The following DNAH8 variants were observed in gnomAD, a reference collection of about 807,000 sequenced individuals.
DNAH8 encodes dynein axonemal heavy chain 8, also known as axonemal beta dynein heavy chain 8.
In DNAH8, 382 loss-of-function variants were observed where a neutral mutation model predicts 562.1. The observed-to-expected ratio is 0.68, with a 90% CI of 0.63 to 0.74. The LOEUF (loss-of-function observed/expected upper bound fraction) is 0.74, where lower values mean the gene tolerates loss of function less well. Among genes scored for constraint, DNAH8 ranks in the 30% least tolerant of loss-of-function variants. DNAH8 has a pLI of 0.00. For synonymous variants in DNAH8, 1,881 were observed against 1,919.4 expected, an observed-to-expected ratio of 0.98 and a Z score of 0.52; for missense variants, 5,203 against 5,620.4, an observed-to-expected ratio of 0.93 and a Z score of 2.37.
chr6:38,754,180 T>C (rs377168289), intron 9 of DNAH8, among the ~76,000 whole-genome samples: 1 of 152,138 alleles, frequency 6.6e-6, no homozygotes, highest in African/African-American at 2.4e-5. Context: ...TGTATATAGA[T>C]GGACAAGAAC....
At chr6:38,756,326 T>C (rs1471723059) in intron 10 of DNAH8, among the ~76,000 whole-genome samples, 2 of 152,144 alleles carry the variant, frequency 1.3e-5, no homozygotes, top group African/African-American at 4.8e-5. Flanking sequence ...GGTTTTTTAA[T>C]TTATTCATTT....
intron 53 of DNAH8, among the ~76,000 whole-genome samples, chr6:38,877,361 C>T (rs1583251511): frequency 6.6e-6 from 1 of 152,104 alleles, no homozygotes; most frequent in African/African-American, 2.4e-5. Flanking sequence ...ACATTTTCTT[C>T]CAAGTAGCTA....
intron 52 of DNAH8, among the ~76,000 whole-genome samples, chr6:38,874,233 T>G (rs1777785304): frequency 1.4e-5 from 1 of 69,838 alleles, no homozygotes; most frequent in Admixed American, 1.4e-4. Context: ...TCTCTCTTTC[T>G]CCCCTCCCTC....
chr6:39,019,793 TG>T (rs750010100), intron 91 of DNAH8, among the ~76,000 whole-genome samples: 2 of 152,106 alleles, frequency 1.3e-5, no homozygotes, highest in Non-Finnish European at 2.9e-5. Flanking sequence ...GAGTGCTTAA[TG>T]GGTCGCAGCA....
chr6:38,845,420 CAAT>C (rs1407404463), intron 35 of DNAH8, among the ~76,000 whole-genome samples, 151 bp from the exon 36 acceptor site: 2 of 152,060 alleles, frequency 1.3e-5, no homozygotes. Flanking sequence ...AGTTGCAACA[CAAT>C]GATCTGAAGC....
At chr6:38,832,519 G>C (rs2150355170) in intron 31 of DNAH8, 84 bp downstream of exon 31, 1 of 814,620 alleles carries the variant, frequency 1.2e-6, no homozygotes, top group African/African-American at 1.7e-5. Context: ...CTGAGGAATA[G>C]GTACGTTGCA....
At position 38,865,147 on chromosome 6, in the gene DNAH8, T is replaced by G. The variant is rs12527202; in HGVS notation, c.6498+1087T>G. On this transcript the variant is annotated intron_variant, in intron 45 of 92. Transcript: ENST00000327475. ...CCAGTTTTAAAGCTTTTATGTGTTT[T>G]CCATAAAGTTAAATCTCGAAGTTGC... Among the ~76,000 whole-genome samples the G allele has an allele frequency of 8.9e-3, 1,359 of 152,332 alleles. 83 individuals are homozygous for G. In the East Asian group the frequency reaches 0.15, roughly 17 times the overall value.
chr6:38,722,348 T>C lies in DNAH8; in HGVS notation c.-34-428T>C, dbSNP rs112528033. Among the ~76,000 whole-genome samples the C allele has an allele frequency of 1.1e-4, 17 of 152,304 alleles. 1 individual carries two copies. The highest frequency in any genetic ancestry group is 3.6e-4 in the African/African-American group (15 of 41,558). ...CAAGGAACCTTTAGAGTTCACGAAG[T>C]TCTTTGCTTGGTCTCTTGCACAGTG... On this transcript the variant is annotated intron_variant, in intron 1 of 92. Coordinates refer to ENST00000327475, the MANE Select transcript of DNAH8 (RefSeq NM_001206927.2).
Position 38,966,889 on chromosome 6 carries a change from C to T in DNAH8, c.12452-4703C>T, listed in dbSNP as rs929544978. 8.5e-5 allele frequency among the ~76,000 whole-genome samples: 13 copies of T among 152,100 alleles called. No homozygotes were observed. The East Asian group carries it at 1.2e-3, about 14-fold the overall frequency. On this transcript the variant is annotated intron_variant, in intron 82 of 92. Coordinates refer to ENST00000327475, the MANE Select transcript of DNAH8 (RefSeq NM_001206927.2). ...GGCCGATTCAGTAGCTGATAAAGGC[C>T]GGTTTCCTATTTCATAGATGACTTC... is the stretch of plus-strand genomic sequence containing the variant.
Position 38,956,674 on chromosome 6 carries a change from A to AAAAAC in DNAH8, c.12451+5172_12451+5176dup, listed in dbSNP as rs535952132. Among the ~76,000 whole-genome samples the AAAAAC allele has an allele frequency of 2.0e-3, 309 of 152,332 alleles. 1 individual carries two copies. Among genetic ancestry groups the AAAAAC allele is most frequent in the Non-Finnish European group, 3.4e-3 (231 of 68,036 alleles). ...ACACAGTTCAGGCACATTGTCCCTAAAAAACAAAACAAAACAAAACAACAA... is the reference window on the plus strand; with the variant it reads ...ACACAGTTCAGGCACATTGTCCCTAAAAAACAAAACAAAACAAAACAAAACAACAA... On this transcript the variant is annotated intron_variant, in intron 82 of 92. Transcript: ENST00000327475.
chr6:38,800,269 A>G lies in DNAH8; in HGVS notation c.2902-2910A>G, dbSNP rs924649342. On this transcript the variant is annotated intron_variant, in intron 21 of 92. Transcript: ENST00000327475. ...TTCTCTTGGGTATGTATACCTAGGAATGGAATTACTGGCTCCCAACTCCAT... is the reference window on the plus strand; with the variant it reads ...TTCTCTTGGGTATGTATACCTAGGAGTGGAATTACTGGCTCCCAACTCCAT... Among the ~76,000 whole-genome samples the G allele has an allele frequency of 2.6e-5, 4 of 152,020 alleles. No homozygotes were observed. The South Asian group carries it at 8.3e-4, about 32-fold the overall frequency.
chr6:38,938,128 C>A lies in DNAH8; in HGVS notation c.11718C>A (p.Ser3906Arg), dbSNP rs771909750. The stretch of plus-strand genomic sequence containing the variant: ...TCCGGCCCGCAGCCACCCGCGGAAG[C>A]ATCCTCTACTTCCTCATCACAGAGA... ...EEFRPAATRG[S>R]ILYFLITEMS... The change falls in exon 78 of 93, where the codon AGC becomes AGA. Residue 3906 changes from serine to arginine, a missense_variant. Ser to Arg is a moderately radical substitution (Grantham distance 110). Around this residue, in one of 6 missense-constraint regions of DNAH8, gnomAD observed 1,399 missense variants for 1,518.4 expected, o/e 0.92. Coordinates refer to ENST00000327475, the MANE Select transcript of DNAH8 (RefSeq NM_001206927.2). 1.2e-6 allele frequency: 2 copies of A among 1,614,092 alleles called. No individual in the cohort carries two copies. The highest frequency in any genetic ancestry group is 1.7e-6 in the Non-Finnish European group (2 of 1,180,024).
rs757413994 is a variant in DNAH8 at position 38,786,745 on chromosome 6, C to CAA, written c.2396-19_2396-18dup. On this transcript the variant is annotated intron_variant, in intron 17 of 92. Transcript: ENST00000327475. ...AAAGGAAATTCAGAATGAGTAATGTCAATCATTATTTATTTGTAGCTTTAC... is the reference window on the plus strand; with the variant it reads ...AAAGGAAATTCAGAATGAGTAATGTCAAAATCATTATTTATTTGTAGCTTTAC... The CAA allele has an allele frequency of 1.2e-5, 19 of 1,605,544 alleles. No homozygotes were observed. Among genetic ancestry groups the CAA allele is most frequent in the Non-Finnish European group, 1.6e-5 (19 of 1,176,534 alleles).
chr6:38,990,423 C>A (rs1446191408), intron 88 of DNAH8, among the ~76,000 whole-genome samples: 1 of 152,198 alleles, frequency 6.6e-6, no homozygotes, highest in African/African-American at 2.4e-5. Flanking sequence ...TATTTCTTCT[C>A]TGTCATGTCA....
chr6:38,911,322 C>G (rs769470368), intron 65 of DNAH8, 146 bp from the exon 66 acceptor site: 30 of 695,274 alleles, frequency 4.3e-5, no homozygotes, highest in Non-Finnish European at 6.7e-5. Context: ...CTTTTTCCAC[C>G]TCACCTCTGA....
At chr6:38,741,640 A>G in intron 7 of DNAH8, 71 bp from the exon 8 acceptor site, 2 of 1,346,744 alleles carry the variant, frequency 1.5e-6, no homozygotes, top group South Asian at 1.5e-5. Context: ...GCTGCCTTCA[A>G]AAAGATGCAA....
chr6:38,937,696 T>C (rs1198173484), intron 77 of DNAH8, among the ~76,000 whole-genome samples: 7 of 152,128 alleles, frequency 4.6e-5, no homozygotes, highest in Non-Finnish European at 7.4e-5. Context: ...TCTTGAGACA[T>C]GTGAAGACCC....
In DNAH8 at chr6:38,931,709, G is replaced by C. The variant is rs9296268; in HGVS notation, c.11275-102G>C. 0.71 allele frequency: 425,489 copies of C among 602,622 alleles called. 152,225 individuals are homozygous for C. Among genetic ancestry groups the C allele is most frequent in the African/African-American group, 0.86 (45,382 of 52,548 alleles). The allele number at this position is 602,622 out of a possible 1,614,324, so 37.3% of individuals were successfully genotyped here. A position where few individuals can be genotyped will look rare whatever the true frequency, so the allele number is the denominator to read the frequency against. ...TTGTAACTTTCCTTCCCAATTTATT[G>C]AAGCGTCACAGCACTGACAGGTAAA... On this transcript the variant is annotated intron_variant, in intron 75 of 92. Coordinates refer to ENST00000327475, the MANE Select transcript of DNAH8 (RefSeq NM_001206927.2).
At chr6:39,027,555 C>T (rs1187825410) in intron 92 of DNAH8, among the ~76,000 whole-genome samples, 2 of 152,156 alleles carry the variant, frequency 1.3e-5, no homozygotes, top group Non-Finnish European at 2.9e-5. Context: ...TGGCCAGGCA[C>T]GGTGGCTCAC....
Sources: allele counts gnomAD v4.1 joint callset (sites outside exome capture counted in the v4.1 genomes callset), GRCh38; gene constraint gnomAD v4.1.1; regional missense constraint gnomAD v4.1.1; transcripts MANE v1.5; gene names NCBI Gene and HGNC (gene_info 2026-07-23, HGNC 2026-07-21).